Variants in DAB1 observed in about 807,000 individuals in gnomAD.
The protein encoded by DAB1 is DAB adaptor protein 1, also known as disabled homolog 1.
Under a neutral mutation model 64.6 loss-of-function variants are expected in DAB1, and 15 were observed. That is an observed-to-expected ratio of 0.23 (90% CI 0.16 to 0.36). The LOEUF is 0.36. Ranked by LOEUF, DAB1 falls within the 10% of genes least tolerant of loss-of-function variation. The pLI is 1.00. For synonymous variants in DAB1, 235 were observed against 251.9 expected (o/e 0.93, Z 0.64); for missense variants, 596 against 706.7 (o/e 0.84, Z 1.78).
At chr1:57,054,868 C>T (rs149328479) in intron 9 of DAB1, among the ~76,000 whole-genome samples, 198 of 152,272 alleles carry the variant, frequency 1.3e-3, no homozygotes, top group African/African-American at 4.5e-3. Flanking sequence ...ACAAAGACTA[C>T]GTGTATTTCC....
chr1:57,342,733 T>G (rs1159770960), intron 1 of DAB1, among the ~76,000 whole-genome samples: 1 of 152,180 alleles, frequency 6.6e-6, no homozygotes, highest in African/African-American at 2.4e-5. Context: ...TTCCTTATGG[T>G]GGGTTCGTGG....
intron 3 of DAB1, among the ~76,000 whole-genome samples, chr1:58,505,381 C>T (rs1395916705): frequency 2.0e-5 from 3 of 152,072 alleles, no homozygotes; most frequent in African/African-American, 7.2e-5. Context: ...GAGCGTGTAA[C>T]GTGGCTCAGA....
intron 7 of DAB1, among the ~76,000 whole-genome samples, chr1:57,581,297 A>T (rs942935523): frequency 6.6e-6 from 1 of 152,222 alleles, no homozygotes; most frequent in African/African-American, 2.4e-5. Flanking sequence ...ACTCTAGGGG[A>T]ACAAAAAATA....
intron 6 of DAB1, among the ~76,000 whole-genome samples, chr1:57,746,557 T>C (rs1302682640): frequency 6.6e-6 from 1 of 152,156 alleles, no homozygotes; most frequent in Admixed American, 6.5e-5. Flanking sequence ...TCTCCCTTGG[T>C]GTCTGCAGGA....
chr1:58,056,301 A>G lies in DAB1; in HGVS notation n.387+94210T>C, dbSNP rs748335293. 21 of 1,492,396 alleles carry G rather than the reference A, an allele frequency of 1.4e-5. No individual in the cohort carries two copies. In the South Asian group the frequency reaches 2.0e-4, roughly 14 times the overall value. 92.4% of individuals were successfully genotyped at this position (1,492,396 alleles called of 1,614,324 possible). On this transcript the variant is annotated intron_variant and non_coding_transcript_variant, in intron 5 of 20. Coordinates refer to the DAB1 transcript ENST00000485760. ...CATACAGCTTGGGAAGCACATAGGC[A>G]TCGAAGACGCTCGCTTCAGAAATGT...
intron 6 of DAB1, among the ~76,000 whole-genome samples, chr1:57,681,885 C>T (rs1271868045): frequency 2.0e-5 from 3 of 152,034 alleles, no homozygotes; most frequent in African/African-American, 7.2e-5. Context: ...GTCAGTCAGC[C>T]CCATGCCTCA....
At chr1:57,802,344 G>A (rs1651166864) in intron 6 of DAB1, among the ~76,000 whole-genome samples, 1 of 152,140 alleles carries the variant, frequency 6.6e-6, no homozygotes, top group African/African-American at 2.4e-5. Flanking sequence ...TTTGTTTTCT[G>A]TCACAGATTG....
chr1:58,304,021 T>C (rs1305929689), intron 4 of DAB1, among the ~76,000 whole-genome samples: 2 of 152,146 alleles, frequency 1.3e-5, no homozygotes, highest in Non-Finnish European at 2.9e-5. Context: ...TAGTAAAATT[T>C]TGATTATATT....
chr1:58,088,678 T>G (rs1650462327), intron 5 of DAB1, among the ~76,000 whole-genome samples: 1 of 152,210 alleles, frequency 6.6e-6, no homozygotes, highest in East Asian at 1.9e-4. Flanking sequence ...TACCTTTCTG[T>G]GTATTCACTC....
intron 7 of DAB1, among the ~76,000 whole-genome samples, chr1:57,494,643 T>C (rs1488652572): frequency 6.6e-6 from 1 of 152,206 alleles, no homozygotes; most frequent in Non-Finnish European, 1.5e-5. Context: ...TCTTTTATCA[T>C]TTTACATCCT....
intron 5 of DAB1, among the ~76,000 whole-genome samples, chr1:58,082,742 G>A (rs1052915132): frequency 7.9e-5 from 12 of 152,216 alleles, no homozygotes; most frequent in South Asian, 2.1e-4. Context: ...AGAAAACAGC[G>A]CATCTCATGC....
At chr1:57,501,806 C>A (rs1644292140) in intron 7 of DAB1, among the ~76,000 whole-genome samples, 1 of 152,284 alleles carries the variant, frequency 6.6e-6, no homozygotes, top group Admixed American at 6.5e-5. Flanking sequence ...TTCTTGTTTA[C>A]CCCTGCCTAC....
In DAB1 at chr1:57,157,135, T is replaced by C. The variant is rs538483933; in HGVS notation, c.68-11706A>G. Among the ~76,000 whole-genome samples, 108 of 152,302 alleles carry C rather than the reference T, an allele frequency of 7.1e-4. 1 individual carries two copies. Among genetic ancestry groups the C allele is most frequent in the African/African-American group, 2.5e-3 (104 of 41,578 alleles). On this transcript the variant is annotated intron_variant, in intron 2 of 14. Coordinates refer to ENST00000371236, the MANE Select transcript of DAB1 (RefSeq NM_001365792.1). Reference sequence around the variant, plus strand: ...ACCATTAATGGCCAAATAAAAGTTATTTCACATCCAAGACTATTATCTTAT... The same window carrying C: ...ACCATTAATGGCCAAATAAAAGTTACTTCACATCCAAGACTATTATCTTAT...
intron 3 of DAB1, among the ~76,000 whole-genome samples, chr1:58,375,214 T>C (rs1165912780): frequency 6.8e-6 from 1 of 147,712 alleles, no homozygotes; most frequent in Non-Finnish European, 1.5e-5. Context: ...CTTCCAACAC[T>C]ATGTTGAATA....
At chr1:57,476,628 A>G (rs1643942448) in intron 7 of DAB1, among the ~76,000 whole-genome samples, 1 of 152,242 alleles carries the variant, frequency 6.6e-6, no homozygotes, top group Non-Finnish European at 1.5e-5. Context: ...TGCTGCACAT[A>G]TAAGTGCATG....
intron 7 of DAB1, among the ~76,000 whole-genome samples, chr1:57,636,096 C>CAAAAAAAAAAAAAAAAAAAAAA (rs61007751): frequency 3.1e-5 from 2 of 64,988 alleles, no homozygotes; most frequent in African/African-American, 1.3e-4. Context: ...GACACGGTCT[C>CAAAAAAAAAAAAAAAAAAAAAA]AAAAAAAAAA....
At chr1:57,677,605 C>A (rs1185053913) in intron 6 of DAB1, among the ~76,000 whole-genome samples, 1 of 152,154 alleles carries the variant, frequency 6.6e-6, no homozygotes, top group African/African-American at 2.4e-5. Flanking sequence ...CCCCACAAAA[C>A]CATGCAAAAA....
chr1:57,259,611 G>T (rs527371990), intron 2 of DAB1, among the ~76,000 whole-genome samples: 1 of 152,194 alleles, frequency 6.6e-6, no homozygotes, highest in Non-Finnish European at 1.5e-5. Flanking sequence ...GCAGAGCAAC[G>T]TGAGATGCTG....
chr1:57,384,861 G>A (rs1681679287), intron 1 of DAB1, among the ~76,000 whole-genome samples: 1 of 152,144 alleles, frequency 6.6e-6, no homozygotes, highest in Non-Finnish European at 1.5e-5. Flanking sequence ...CTTAAAAATG[G>A]TTAAGATGAT....
Sources: gnomAD v4.1 joint callset for allele counts (sites outside exome capture counted in the v4.1 genomes callset) on GRCh38, gnomAD v4.1.1 for gene constraint, MANE v1.5 for transcripts, NCBI Gene and HGNC (gene_info 2026-07-23, HGNC 2026-07-21) for gene names.